Variants in DHX8 observed in about 807,000 individuals in gnomAD.
DHX8 encodes DEAH-box helicase 8.
In DHX8, 67 loss-of-function variants were observed where a neutral mutation model predicts 140.7. That is an observed-to-expected ratio of 0.48 (90% CI 0.39 to 0.58). The LOEUF is 0.58. Ranked by LOEUF, DHX8 falls within the 20% of genes least tolerant of loss-of-function variation. The pLI is 0.00. For synonymous variants in DHX8, 533 were observed against 553.2 expected (o/e 0.96, Z 0.51); for missense variants, 887 against 1,550.7 (o/e 0.57, Z 7.19).
intron 3 of DHX8, among the ~76,000 whole-genome samples, chr17:43,538,257 A>C (rs1466933613): frequency 6.6e-6 from 1 of 152,134 alleles, no homozygotes; most frequent in East Asian, 1.9e-4. Flanking sequence ...CAGTGAGCTG[A>C]GATCACACCA....
At position 43,524,068 on chromosome 17, in the gene DHX8, C is replaced by T. The variant is rs1970515681; in HGVS notation, c.*221C>T. The T allele has an allele frequency of 2.1e-6, 3 of 1,400,422 alleles. No homozygotes were observed. Among genetic ancestry groups the T allele is most frequent in the Admixed American group, 3.0e-5 (1 of 33,728 alleles). The allele number at this position is 1,400,422 out of a possible 1,614,324, so 86.7% of individuals were successfully genotyped here. A position where few individuals can be genotyped will look rare whatever the true frequency, so the allele number is the denominator to read the frequency against. Reference sequence around the variant, plus strand: ...GCCTCCATCACCCCAAGTCCTTGGGCCCAGTTGGGAGCTCATATCTAACAC... The same window carrying T: ...GCCTCCATCACCCCAAGTCCTTGGGTCCAGTTGGGAGCTCATATCTAACAC... On this transcript the variant is annotated 3_prime_UTR_variant, in exon 23 of 23. Transcript: ENST00000262415.
intron 22 of DHX8, 102 bp from the exon 23 acceptor site, chr17:43,523,526 T>C: frequency 1.3e-6 from 2 of 1,532,856 alleles, no homozygotes; most frequent in African/African-American, 2.8e-5. Flanking sequence ...GGAGAGGTAA[T>C]AGTATAAAAT....
chr17:43,506,709 T>C (rs1160083865), intron 12 of DHX8, among the ~76,000 whole-genome samples: 1 of 152,144 alleles, frequency 6.6e-6, no homozygotes, highest in Admixed American at 6.6e-5. Flanking sequence ...GAAACATCGT[T>C]GATTGTAATC....
chr17:43,529,983 C>G (rs1460334970), downstream of DHX8: 2 of 1,613,992 alleles, frequency 1.2e-6, no homozygotes, highest in Non-Finnish European at 1.7e-6. Context: ...TTGCTCAGAT[C>G]TGGGGGTTCA....
downstream of DHX8, chr17:43,526,190 G>A (rs924511914): frequency 2.0e-6 from 2 of 985,248 alleles, no homozygotes; most frequent in African/African-American, 1.7e-5. Context: ...TCACACAATG[G>A]AGCCCTTGTT....
At chr17:43,526,311 C>G, downstream of DHX8, 1 of 1,416,920 alleles carries the variant, frequency 7.1e-7, no homozygotes, top group Non-Finnish European at 9.2e-7. Context: ...TTGTTCACCC[C>G]CACCCCGCGA....
At chr17:43,538,605 C>T (rs1017238836) in intron 3 of DHX8, among the ~76,000 whole-genome samples, 3 of 152,184 alleles carry the variant, frequency 2.0e-5, no homozygotes, top group African/African-American at 7.2e-5. Context: ...TCTGGCCTCC[C>T]CAGAGCGGGG....
At chr17:43,492,093 T>C (rs1598122672) in intron 4 of DHX8, 90 bp from the exon 5 acceptor site, 1 of 847,316 alleles carries the variant, frequency 1.2e-6, no homozygotes, top group Non-Finnish European at 2.0e-6. Flanking sequence ...TTCCCTCACA[T>C]AGTGATTAGT....
chr17:43,518,818 T>C (rs1970240268), intron 18 of DHX8: 1 of 152,222 alleles, frequency 6.6e-6, no homozygotes, highest in Admixed American at 6.5e-5. Context: ...AATTTGTCTA[T>C]TCTAGATAGC....
downstream of DHX8, chr17:43,528,377 TG>T: frequency 1.7e-6 from 1 of 596,624 alleles, no homozygotes; most frequent in South Asian, 2.4e-5. Context: ...GCTCAGAGTC[TG>T]GGCTAGGGCA....
chr17:43,541,879 G>T (rs1971541076), intron 3 of DHX8, among the ~76,000 whole-genome samples: 1 of 152,136 alleles, frequency 6.6e-6, no homozygotes, highest in Non-Finnish European at 1.5e-5. Context: ...CATTGTAGCT[G>T]GGAAAGATTA....
At chr17:43,529,808 T>C (rs375525411), downstream of DHX8, 1 of 1,601,098 alleles carries the variant, frequency 6.2e-7, no homozygotes, top group East Asian at 2.2e-5. Context: ...CTTGCAACAA[T>C]GAAACGTGAT....
intron 11 of DHX8, among the ~76,000 whole-genome samples, chr17:43,503,269 G>A (rs1433918850): frequency 1.1e-4 from 16 of 152,114 alleles, no homozygotes; most frequent in South Asian, 2.1e-4. Context: ...AGGCTGAGGC[G>A]GGTGGATCAC....
chr17:43,528,637 C>G (rs754077603), downstream of DHX8: 30 of 1,614,010 alleles, frequency 1.9e-5, no homozygotes, highest in African/African-American at 2.3e-4. Flanking sequence ...ACTGACAGGC[C>G]GGTCAAACTC....
intron 11 of DHX8, among the ~76,000 whole-genome samples, chr17:43,501,756 G>A (rs574715140): frequency 7.2e-5 from 11 of 152,236 alleles, no homozygotes; most frequent in Middle Eastern, 3.4e-3. Context: ...CCAAAGTGCC[G>A]GGATTACAAG....
chr17:43,509,601 A>G (rs1413952781), intron 16 of DHX8, among the ~76,000 whole-genome samples: 1 of 151,446 alleles, frequency 6.6e-6, no homozygotes, highest in Non-Finnish European at 1.5e-5. Context: ...CTCCTGCCTC[A>G]GCCGCCTAAG....
intron 22 of DHX8, among the ~76,000 whole-genome samples, chr17:43,523,040 G>C (rs1204359579): frequency 7.3e-6 from 1 of 136,498 alleles, no homozygotes; most frequent in Non-Finnish European, 1.5e-5. Context: ...TCCAGCCTGG[G>C]AGACAGAGTG....
chr17:43,493,962 C>T (rs751592937), intron 8 of DHX8, 76 bp downstream of exon 8: 7 of 1,492,928 alleles, frequency 4.7e-6, no homozygotes, highest in African/African-American at 1.4e-5. Flanking sequence ...CCCTGGAGCA[C>T]GATGGCCTGG....
intron 11 of DHX8, among the ~76,000 whole-genome samples, chr17:43,501,051 C>T (rs1001280928): frequency 2.6e-5 from 4 of 151,614 alleles, no homozygotes; most frequent in Non-Finnish European, 4.4e-5. Context: ...ACTGGGGATA[C>T]GATTTGAATT....
Sources: allele counts gnomAD v4.1 joint callset (sites outside exome capture counted in the v4.1 genomes callset), GRCh38; gene constraint gnomAD v4.1.1; transcripts MANE v1.5; gene names NCBI Gene and HGNC (gene_info 2026-07-23, HGNC 2026-07-21).